The following TGFBR3 variants were observed in gnomAD, a reference collection of about 807,000 sequenced individuals.
TGFBR3 encodes the protein transforming growth factor beta receptor type 3.
Under a neutral mutation model 87.9 loss-of-function variants are expected in TGFBR3, and 46 were observed. That is an observed-to-expected ratio of 0.52 (90% CI 0.41 to 0.67). TGFBR3 has a LOEUF of 0.67. Among genes scored for constraint, TGFBR3 ranks in the 30% least tolerant of loss-of-function variants. The pLI, the probability that TGFBR3 is intolerant of heterozygous loss-of-function variation, is 0.00. For synonymous variants in TGFBR3, 381 were observed against 391.6 expected (o/e 0.97, Z 0.32); for missense variants, 866 against 1,041.9 (o/e 0.83, Z 2.32).
intron 16 of TGFBR3, among the ~76,000 whole-genome samples, chr1:91,689,823 C>T (rs1671209393): frequency 7.0e-6 from 1 of 143,184 alleles, no homozygotes; most frequent in Non-Finnish European, 1.5e-5. Flanking sequence ...TCCAAGGACT[C>T]CCTTTAAGAA....
chr1:91,789,124 C>T (rs1205179314), intron 3 of TGFBR3, among the ~76,000 whole-genome samples: 3 of 152,124 alleles, frequency 2.0e-5, no homozygotes, highest in South Asian at 2.1e-4. Context: ...GGTGAAACCC[C>T]GTCTCTACTA....
chr1:91,861,738 G>A (rs1287871202), intron 1 of TGFBR3, 94 bp from the exon 2 acceptor site: 5 of 587,972 alleles, frequency 8.5e-6, no homozygotes, highest in East Asian at 3.2e-5. Flanking sequence ...AAAGCGTAAT[G>A]TAAGAAATTT....
intron 1 of TGFBR3, among the ~76,000 whole-genome samples, chr1:91,870,422 G>A (rs917073402): frequency 1.3e-5 from 2 of 152,206 alleles, no homozygotes; most frequent in African/African-American, 4.8e-5. Flanking sequence ...AAATTAGAAA[G>A]GCTCAACGAC....
rs571707681 is a variant in TGFBR3, at chr1:91,779,110, T to C, written c.246+18177A>G. 5.3e-4 allele frequency among the ~76,000 whole-genome samples: 81 copies of C among 152,124 alleles called. 1 individual carries two copies. Among genetic ancestry groups the C allele is most frequent in the Non-Finnish European group, 9.0e-4 (61 of 68,030 alleles). On this transcript the variant is annotated intron_variant, in intron 3 of 16. Transcript: ENST00000212355. ...AGATCATTCAGGGCTCTGGTGGGGA[T>C]TGCGCATTTTCATTGAAATGTAAAA...
At chr1:91,721,759 A>G in intron 8 of TGFBR3, among the ~76,000 whole-genome samples, 196 bp downstream of exon 8, 1 of 152,146 alleles carries the variant, frequency 6.6e-6, no homozygotes, top group East Asian at 1.9e-4. Context: ...ATTCAACTCT[A>G]TGTCACTGAA....
intron 16 of TGFBR3, among the ~76,000 whole-genome samples, chr1:91,691,951 T>C (rs1353879863): frequency 1.3e-5 from 2 of 151,992 alleles, no homozygotes; most frequent in African/African-American, 4.8e-5. Flanking sequence ...TGAGCCAAGA[T>C]TGCGCCATTG....
intron 2 of TGFBR3, among the ~76,000 whole-genome samples, chr1:91,814,538 C>T (rs2101045843): frequency 1.3e-5 from 2 of 152,162 alleles, no homozygotes; most frequent in East Asian, 3.9e-4. Flanking sequence ...CTCCCCTATC[C>T]AAAACATATA....
intron 1 of TGFBR3, among the ~76,000 whole-genome samples, chr1:91,874,315 C>T (rs1678700961): frequency 6.6e-6 from 1 of 152,126 alleles, no homozygotes; most frequent in African/African-American, 2.4e-5. Flanking sequence ...GGCCCTGAGA[C>T]AGAGCGTATC....
chr1:91,781,762 T>A (rs776892896), intron 3 of TGFBR3, among the ~76,000 whole-genome samples: 1 of 152,142 alleles, frequency 6.6e-6, no homozygotes, highest in African/African-American at 2.4e-5. Flanking sequence ...ACTTTGCTGA[T>A]CTCTAATAAA....
chr1:91,887,868 G>A (rs920700961), upstream of TGFBR3, among the ~76,000 whole-genome samples: 1 of 152,172 alleles, frequency 6.6e-6, no homozygotes, highest in African/African-American at 2.4e-5. Context: ...ATAATATTCT[G>A]AAGGAATAAA....
chr1:91,805,740 G>A (rs1675804239), intron 2 of TGFBR3, among the ~76,000 whole-genome samples: 1 of 152,182 alleles, frequency 6.6e-6, no homozygotes, highest in African/African-American at 2.4e-5. Context: ...CATATGTATG[G>A]TTACCACACC....
At chr1:91,900,886 A>G (rs1354548444) in intron 1 of TGFBR3, among the ~76,000 whole-genome samples, 1 of 152,076 alleles carries the variant, frequency 6.6e-6, no homozygotes, top group Non-Finnish European at 1.5e-5. Flanking sequence ...AAAAAAAGTT[A>G]TTGGGTTTGG....
At chr1:91,696,222 A>G (rs1671430758) in intron 15 of TGFBR3, among the ~76,000 whole-genome samples, 1 of 152,246 alleles carries the variant, frequency 6.6e-6, no homozygotes, top group African/African-American at 2.4e-5. Context: ...CACACTGCAC[A>G]GAAAACACAC....
chr1:91,849,768 T>C (rs1677647837), intron 2 of TGFBR3, among the ~76,000 whole-genome samples: 2 of 151,958 alleles, frequency 1.3e-5, no homozygotes, highest in African/African-American at 4.8e-5. Context: ...ATCAACACTT[T>C]AGGAAAGTTA....
chr1:91,725,398 G>C (rs1463587890), intron 7 of TGFBR3, among the ~76,000 whole-genome samples: 6 of 152,154 alleles, frequency 3.9e-5, no homozygotes, highest in Admixed American at 3.3e-4. Flanking sequence ...GTTATTTATG[G>C]AAGGAAGATG....
chr1:91,727,389 T>A (rs1254510715), intron 7 of TGFBR3, among the ~76,000 whole-genome samples: 1 of 152,172 alleles, frequency 6.6e-6, no homozygotes, highest in Non-Finnish European at 1.5e-5. Flanking sequence ...ATTTCACAAA[T>A]GAGGGAGCTG....
At chr1:91,711,463 G>C (rs185788865) in intron 13 of TGFBR3, among the ~76,000 whole-genome samples, 3 of 152,282 alleles carry the variant, frequency 2.0e-5, no homozygotes, top group Admixed American at 1.3e-4. Flanking sequence ...AACACTGCTT[G>C]ATTCTTAGCC....
chr1:91,763,838 T>A (rs772642648), intron 3 of TGFBR3, among the ~76,000 whole-genome samples: 23 of 152,198 alleles, frequency 1.5e-4, no homozygotes, highest in Non-Finnish European at 2.9e-4. Flanking sequence ...AGTATTTACT[T>A]AGTTGCTGCT....
intron 5 of TGFBR3, among the ~76,000 whole-genome samples, chr1:91,732,839 C>T (rs1672823909): frequency 6.6e-6 from 1 of 152,112 alleles, no homozygotes; most frequent in South Asian, 2.1e-4. Flanking sequence ...AGTGACAACC[C>T]GTGGCTCTCA....
Sources: allele counts gnomAD v4.1 joint callset (sites outside exome capture counted in the v4.1 genomes callset), GRCh38; gene constraint gnomAD v4.1.1; transcripts MANE v1.5; gene names NCBI Gene and HGNC (gene_info 2026-07-23, HGNC 2026-07-21).